The following THSD4 variants were observed in gnomAD, a reference collection of about 807,000 sequenced individuals.
The protein encoded by THSD4 is thrombospondin type 1 domain containing 4.
Under a neutral mutation model 119.0 loss-of-function variants are expected in THSD4, and 69 were observed. The ratio of observed to expected loss-of-function variants is 0.58; its 90% CI spans 0.48 to 0.71. The LOEUF is 0.71. THSD4 is among the 30% of genes least tolerant of loss of function. THSD4 has a pLI of 0.00. For synonymous variants in THSD4, 524 were observed against 540.4 expected (o/e 0.97, Z 0.42); for missense variants, 1,393 against 1,391.1 (o/e 1.00, Z -0.02).
At chr15:71,501,161 G>A (rs1437292371) in intron 7 of THSD4, among the ~76,000 whole-genome samples, 1 of 152,096 alleles carries the variant, frequency 6.6e-6, no homozygotes, top group Non-Finnish European at 1.5e-5. Flanking sequence ...CAATAAGATT[G>A]TTGTTGGTGA....
chr15:71,554,416 C>T (rs983221717), intron 7 of THSD4, among the ~76,000 whole-genome samples: 1 of 151,900 alleles, frequency 6.6e-6, no homozygotes, highest in Admixed American at 6.6e-5. Flanking sequence ...GAGACAAGAT[C>T]TCACTCTGTC....
chr15:71,577,225 C>G (rs994600953), intron 7 of THSD4, among the ~76,000 whole-genome samples: 4 of 152,240 alleles, frequency 2.6e-5, no homozygotes, highest in Admixed American at 6.5e-5. Flanking sequence ...AAATCTCTTG[C>G]AGTTTCTCTC....
At chr15:71,347,625 T>TG (rs1316557558) in intron 6 of THSD4, among the ~76,000 whole-genome samples, 1 of 152,214 alleles carries the variant, frequency 6.6e-6, no homozygotes, top group African/African-American at 2.4e-5. Flanking sequence ...GGGGCTGCCA[T>TG]GGGGTTTTTA....
At chr15:71,567,385 G>T (rs4519302) in intron 7 of THSD4, among the ~76,000 whole-genome samples, 135,631 of 152,000 alleles carry the variant, frequency 0.89, 62,631 homozygotes, top group East Asian at 1. Flanking sequence ...ACAGGGGTGT[G>T]ATCAAGCCAG....
chr15:71,763,734 C>T (rs1049246867), intron 15 of THSD4, among the ~76,000 whole-genome samples: 13 of 151,678 alleles, frequency 8.6e-5, no homozygotes, highest in Middle Eastern at 3.2e-3. Context: ...AGTGAGCCAC[C>T]GCGCCTGGCC....
chr15:71,507,360 C>T (rs930582903), intron 7 of THSD4, among the ~76,000 whole-genome samples: 15 of 152,102 alleles, frequency 9.9e-5, no homozygotes, highest in African/African-American at 3.6e-4. Context: ...GTTTTCCTGG[C>T]TTCTGGTTAA....
intron 8 of THSD4, among the ~76,000 whole-genome samples, chr15:71,666,967 C>T (rs1031781065): frequency 1.3e-5 from 2 of 152,200 alleles, no homozygotes; most frequent in Non-Finnish European, 2.9e-5. Context: ...AATGCTTACT[C>T]TTGTCTCCAA....
At chr15:71,708,619 C>CAT (rs1177877267) in intron 8 of THSD4, among the ~76,000 whole-genome samples, 2 of 152,108 alleles carry the variant, frequency 1.3e-5, no homozygotes, top group African/African-American at 2.4e-5. Flanking sequence ...TAAGGCATCA[C>CAT]ATATATATAT....
intron 6 of THSD4, among the ~76,000 whole-genome samples, chr15:71,334,322 A>G (rs997518031): frequency 4.6e-5 from 7 of 152,216 alleles, no homozygotes; most frequent in Non-Finnish European, 7.4e-5. Context: ...TCAAAATCCT[A>G]GCTTTGAAAC....
intron 7 of THSD4, among the ~76,000 whole-genome samples, chr15:71,543,953 A>G (rs1384406129): frequency 2.6e-5 from 4 of 152,176 alleles, no homozygotes; most frequent in Non-Finnish European, 4.4e-5. Context: ...GTTTGAACAC[A>G]GGAGGCAGAG....
intron 3 of THSD4, among the ~76,000 whole-genome samples, chr15:71,168,175 A>G (rs960189097): frequency 3.9e-5 from 6 of 152,246 alleles, no homozygotes; most frequent in African/African-American, 1.2e-4. Flanking sequence ...AGTGAAACCA[A>G]GAGTAGGAAA....
intron 1 of THSD4, among the ~76,000 whole-genome samples, chr15:71,125,218 T>C (rs1257483971): frequency 6.6e-6 from 1 of 152,222 alleles, no homozygotes; most frequent in Non-Finnish European, 1.5e-5. Context: ...TTGTGTACTC[T>C]CCTGGAGTCC....
At chr15:71,494,859 T>C (rs893080577) in intron 7 of THSD4, among the ~76,000 whole-genome samples, 1 of 152,220 alleles carries the variant, frequency 6.6e-6, no homozygotes, top group Non-Finnish European at 1.5e-5. Context: ...CCTAAAGATA[T>C]GAAAACATTT....
At chr15:71,126,754 A>T (rs578191646) in intron 1 of THSD4, among the ~76,000 whole-genome samples, 1 of 152,256 alleles carries the variant, frequency 6.6e-6, no homozygotes, top group Admixed American at 6.5e-5. Context: ...TCAGCAAAGA[A>T]ATAGAAGAAT....
chr15:71,300,167 T>C (rs1232861221), intron 6 of THSD4, among the ~76,000 whole-genome samples: 1 of 151,222 alleles, frequency 6.6e-6, no homozygotes, highest in Non-Finnish European at 1.5e-5. Context: ...ATAAAATAAA[T>C]TTAAATATAA....
In THSD4 at chr15:71,695,687, G is replaced by GC. The variant is rs560466302; in HGVS notation, c.1358-32858dup. ...GTCCCAACCAACCCAGGGAGCCACA[G>GC]CCCCTGCACACTCAGGAGGCAGGAC... On this transcript the variant is annotated intron_variant, in intron 8 of 17. Transcript: ENST00000261862. Among the ~76,000 whole-genome samples the GC allele has an allele frequency of 3.1e-3, 478 of 152,232 alleles. 4 individuals are homozygous for GC. Among genetic ancestry groups the GC allele is most frequent in the African/African-American group, 0.011 (452 of 41,562 alleles).
chr15:71,725,931 G>A (rs549969953), intron 8 of THSD4, among the ~76,000 whole-genome samples: 8 of 151,872 alleles, frequency 5.3e-5, no homozygotes, highest in African/African-American at 7.3e-5. Flanking sequence ...ACAGGCATGC[G>A]CCACCATGCC....
At chr15:71,221,036 C>T (rs2043971370) in intron 4 of THSD4, among the ~76,000 whole-genome samples, 1 of 152,166 alleles carries the variant, frequency 6.6e-6, no homozygotes, top group Non-Finnish European at 1.5e-5. Context: ...GGCTGTGTCC[C>T]CGTGATGGCT....
intron 3 of THSD4, among the ~76,000 whole-genome samples, chr15:71,160,377 T>C (rs1237875124): frequency 1.3e-5 from 2 of 152,040 alleles, no homozygotes; most frequent in Admixed American, 6.5e-5. Context: ...TCTGGAATAG[T>C]TTGAAGAGAA....
Sources: allele counts gnomAD v4.1 joint callset (sites outside exome capture counted in the v4.1 genomes callset), GRCh38; gene constraint gnomAD v4.1.1; transcripts MANE v1.5; gene names NCBI Gene and HGNC (gene_info 2026-07-23, HGNC 2026-07-21).